Variants in SDK1 observed in about 807,000 individuals in gnomAD.
The protein encoded by SDK1 is sidekick cell adhesion molecule 1.
A neutral mutation model predicts 245.5 loss-of-function variants in SDK1; 157 were observed. That is an observed-to-expected ratio of 0.64 (90% CI 0.56 to 0.73). SDK1 has a LOEUF of 0.73. Among genes scored for constraint, SDK1 ranks in the 30% least tolerant of loss-of-function variants. The probability of loss-of-function intolerance (pLI) is 0.00; values close to 1 mark genes in which losing one functional copy is unlikely to be tolerated. For missense variants in SDK1, 3,583 were observed against 3,002.3 expected (o/e 1.19, Z -4.52); for synonymous variants, 1,647 against 1,278.5 (o/e 1.29, Z -6.15).
At position 4,037,107 on chromosome 7, in the gene SDK1, T is replaced by A. The variant is rs1788279310; in HGVS notation, c.2603-12241T>A. Among the ~76,000 whole-genome samples the A allele has an allele frequency of 3.9e-5, 6 of 152,348 alleles. 1 individual carries two copies. The South Asian group carries it at 1.2e-3, about 32-fold the overall frequency. The stretch of plus-strand genomic sequence containing the variant: ...TGTTCATAGATTCTTGCAAAACTCT[T>A]TGGACAGCCAATGCTTGTCAATTTG... On this transcript the variant is annotated intron_variant, in intron 17 of 44. Coordinates refer to ENST00000404826, the MANE Select transcript of SDK1 (RefSeq NM_152744.4).
In SDK1 at chr7:4,139,503, GTATATGTATATA is replaced by G. The variant is rs1562871523; in HGVS notation, c.4229-6217_4229-6206del. ...TATGTGTGTGTATATATGTGTGTGT[GTATATGTATATA>G]TGTGTGTGTATGTGTGTGTGTATAT... is the stretch of plus-strand genomic sequence containing the variant. On this transcript the variant is annotated intron_variant, in intron 28 of 44. Transcript: ENST00000404826. 1.1e-4 allele frequency among the ~76,000 whole-genome samples: 14 copies of G among 128,142 alleles called. 1 individual carries two copies. Among genetic ancestry groups the G allele is most frequent in the South Asian group, 2.6e-4 (1 of 3,792 alleles). 84.1% of individuals were successfully genotyped at this position (128,142 alleles called of 152,430 possible).
intron 1 of SDK1, among the ~76,000 whole-genome samples, chr7:3,352,538 G>C (rs778765473): frequency 6.6e-6 from 1 of 152,118 alleles, no homozygotes; most frequent in Non-Finnish European, 1.5e-5. Flanking sequence ...GACCAGCTGT[G>C]CCTGTAGTTA....
intron 1 of SDK1, among the ~76,000 whole-genome samples, chr7:3,319,737 C>T (rs533909652): frequency 1.3e-5 from 2 of 151,926 alleles, no homozygotes; most frequent in Non-Finnish European, 2.9e-5. Context: ...GCCATTCCAT[C>T]GTGAAAGAAA....
intron 5 of SDK1, among the ~76,000 whole-genome samples, chr7:3,868,856 A>G (rs773362332): frequency 1.3e-5 from 2 of 152,228 alleles, no homozygotes; most frequent in Non-Finnish European, 2.9e-5. Context: ...AGTGAGAAAC[A>G]TTGACCCTGC....
intron 4 of SDK1, among the ~76,000 whole-genome samples, chr7:3,656,553 C>T (rs1413093610): frequency 6.6e-6 from 1 of 152,190 alleles, no homozygotes; most frequent in African/African-American, 2.4e-5. Flanking sequence ...CTGTTTAATT[C>T]ATGACCCAGA....
chr7:3,857,512 A>T (rs1198255709), intron 5 of SDK1, among the ~76,000 whole-genome samples: 1 of 151,998 alleles, frequency 6.6e-6, no homozygotes, highest in Non-Finnish European at 1.5e-5. Flanking sequence ...GTGAGACCCC[A>T]TTTCTACAAA....
intron 1 of SDK1, among the ~76,000 whole-genome samples, chr7:3,618,459 G>C (rs888563150): frequency 1.3e-5 from 2 of 152,164 alleles, no homozygotes; most frequent in African/African-American, 4.8e-5. Flanking sequence ...GGCTTGATGT[G>C]TGTGGGATTT....
chr7:3,762,664 G>A (rs1192672225), intron 4 of SDK1, among the ~76,000 whole-genome samples: 2 of 152,268 alleles, frequency 1.3e-5, no homozygotes, highest in East Asian at 3.9e-4. Flanking sequence ...TGTAGCTGTG[G>A]CATGCAAATA....
chr7:3,569,158 G>A (rs541093845), intron 1 of SDK1, among the ~76,000 whole-genome samples: 2 of 152,218 alleles, frequency 1.3e-5, no homozygotes, highest in Admixed American at 1.3e-4. Context: ...AGTGTTTAAA[G>A]TTAGTGAAAA....
chr7:3,754,044 A>G lies in SDK1; in HGVS notation c.714-67406A>G, dbSNP rs1270131872. Among the ~76,000 whole-genome samples, 4 of 152,242 alleles carry G rather than the reference A, an allele frequency of 2.6e-5. No homozygotes were observed. In the East Asian group the frequency reaches 7.7e-4, roughly 29 times the overall value. ...GGACTTCTGCCCAAACCATGAAAGC[A>G]AATGACTAGGCCATATGGAAATTGG... On this transcript the variant is annotated intron_variant, in intron 4 of 44. Coordinates refer to ENST00000404826, the MANE Select transcript of SDK1 (RefSeq NM_152744.4).
intron 5 of SDK1, among the ~76,000 whole-genome samples, chr7:3,914,120 C>T (rs1779284552): frequency 6.6e-6 from 1 of 152,214 alleles, no homozygotes; most frequent in Non-Finnish European, 1.5e-5. Flanking sequence ...TAGTGCAAAC[C>T]CATTTGCAGC....
chr7:3,479,117 A>C (rs1182142348), intron 1 of SDK1, among the ~76,000 whole-genome samples: 1 of 152,176 alleles, frequency 6.6e-6, no homozygotes, highest in East Asian at 1.9e-4. Context: ...TCACATTTGC[A>C]TAAGCATATC....
intron 1 of SDK1, among the ~76,000 whole-genome samples, chr7:3,591,987 G>C (rs1487494577): frequency 1.3e-5 from 2 of 152,194 alleles, no homozygotes; most frequent in African/African-American, 4.8e-5. Flanking sequence ...CAAGGCTACA[G>C]ATAGTTCTAT....
intron 1 of SDK1, among the ~76,000 whole-genome samples, chr7:3,618,596 C>T (rs940842012): frequency 3.9e-5 from 6 of 152,144 alleles, no homozygotes; most frequent in Non-Finnish European, 5.9e-5. Flanking sequence ...ACCATTTCCA[C>T]GTGTGTATGA....
At chr7:3,558,693 A>G (rs1049463166) in intron 1 of SDK1, among the ~76,000 whole-genome samples, 5 of 152,242 alleles carry the variant, frequency 3.3e-5, no homozygotes, top group African/African-American at 1.2e-4. Context: ...TGAGATTATC[A>G]AGTCAAGATA....
At chr7:3,467,642 T>C (rs546477463) in intron 1 of SDK1, among the ~76,000 whole-genome samples, 2 of 152,230 alleles carry the variant, frequency 1.3e-5, no homozygotes, top group South Asian at 4.1e-4. Flanking sequence ...TATTAAATTT[T>C]CTTAAGAACA....
At chr7:4,238,594 C>T (rs558445111) in intron 42 of SDK1, among the ~76,000 whole-genome samples, 1 of 149,458 alleles carries the variant, frequency 6.7e-6, no homozygotes, top group South Asian at 2.1e-4. Context: ...TGGAGTTTCA[C>T]TCTTGTTGCC....
In SDK1 at chr7:4,114,231, T is replaced by A; in HGVS notation, c.3780T>A (p.Ala1260=). 6.2e-7 allele frequency: 1 copy of A among 1,612,886 alleles called. No individual in the cohort carries two copies. The part of the protein sequence containing the change: ...LQMQAFNAVG[A]GPWSEVVRGR... ...TGCAGGCCTTCAACGCCGTCGGGGCTGGGCCGTGGAGCGAGGTGGTGCGGG... is the reference window on the plus strand; with the variant it reads ...TGCAGGCCTTCAACGCCGTCGGGGCAGGGCCGTGGAGCGAGGTGGTGCGGG... Residue 1260 remains alanine (A), a synonymous_variant, in exon 25 of 45, where the codon GCT becomes GCA. Transcript: ENST00000404826.
intron 1 of SDK1, among the ~76,000 whole-genome samples, chr7:3,452,977 T>C (rs1473100638): frequency 6.6e-6 from 1 of 152,186 alleles, no homozygotes; most frequent in African/African-American, 2.4e-5. Flanking sequence ...TTGAGAAAAC[T>C]ACTCATGGCC....
Sources: allele counts gnomAD v4.1 joint callset (sites outside exome capture counted in the v4.1 genomes callset), GRCh38; gene constraint gnomAD v4.1.1; transcripts MANE v1.5; gene names NCBI Gene and HGNC (gene_info 2026-07-23, HGNC 2026-07-21).